Variants in ATP8A2 observed in about 807,000 individuals in gnomAD.
ATP8A2 encodes the protein phospholipid-transporting ATPase IB.
ATP8A2 carries 100 observed loss-of-function variants against 165.6 expected under a neutral mutation model. The observed-to-expected ratio is 0.60, with a 90% CI of 0.51 to 0.71. ATP8A2 has a LOEUF of 0.71. Ranked by LOEUF, ATP8A2 falls within the 30% of genes least tolerant of loss-of-function variation. ATP8A2 has a pLI of 0.00. For synonymous variants in ATP8A2, 543 were observed against 548.8 expected, an observed-to-expected ratio of 0.99 and a Z score of 0.15; for missense variants, 1,227 against 1,479.5, an observed-to-expected ratio of 0.83 and a Z score of 2.80.
Position 25,594,618 on chromosome 13 carries a change from C to T in ATP8A2, c.2211+4919C>T, listed in dbSNP as rs565554511. ...AAAGTCCATCGTGTCATTCTTATGC[C>T]TTTGCATCCTCATAGCTTAGCTCTC... On this transcript the variant is annotated intron_variant, in intron 24 of 36. Transcript: ENST00000381655. Among the ~76,000 whole-genome samples, 4 of 152,234 alleles carry T rather than the reference C, an allele frequency of 2.6e-5. No homozygotes were observed. The East Asian group carries it at 7.7e-4, about 29-fold the overall frequency.
intron 35 of ATP8A2, among the ~76,000 whole-genome samples, chr13:25,979,039 AC>A (rs1409610925): frequency 6.6e-6 from 1 of 150,620 alleles, no homozygotes; most frequent in Non-Finnish European, 1.5e-5. Flanking sequence ...CAGGCCCCTG[AC>A]GTGGTCTCTG....
chr13:25,739,591 T>C (rs2043863326), intron 25 of ATP8A2, among the ~76,000 whole-genome samples: 1 of 151,582 alleles, frequency 6.6e-6, no homozygotes, highest in South Asian at 2.1e-4. Context: ...AGATGGAAAA[T>C]AGTGGAAAGA....
intron 36 of ATP8A2, among the ~76,000 whole-genome samples, chr13:26,013,303 C>A (rs9553699): frequency 0.098 from 14,934 of 152,154 alleles, 1,465 homozygotes; most frequent in East Asian, 0.46. Flanking sequence ...CACGTGCACA[C>A]GCCAGCTTTT....
chr13:25,598,119 G>A (rs893213480), intron 24 of ATP8A2, among the ~76,000 whole-genome samples: 16 of 152,040 alleles, frequency 1.1e-4, no homozygotes, highest in Admixed American at 7.9e-4. Context: ...CATCATTTGT[G>A]AAAAATACTA....
At chr13:25,678,024 A>G (rs1296413628) in intron 24 of ATP8A2, among the ~76,000 whole-genome samples, 1 of 152,186 alleles carries the variant, frequency 6.6e-6, no homozygotes, top group African/African-American at 2.4e-5. Context: ...AGAATGCAGG[A>G]ATGTAAGAAC....
intron 24 of ATP8A2, among the ~76,000 whole-genome samples, chr13:25,680,663 C>T (rs533408369): frequency 7.6e-4 from 115 of 152,314 alleles, no homozygotes; most frequent in African/African-American, 2.7e-3. Context: ...GGGGAATGTT[C>T]TGGAGTGTTC....
intron 24 of ATP8A2, among the ~76,000 whole-genome samples, chr13:25,645,043 T>C (rs1328790629): frequency 1.3e-5 from 2 of 152,188 alleles, no homozygotes; most frequent in Non-Finnish European, 1.5e-5. Context: ...TTTTCTAGTC[T>C]TTATTTTATT....
intron 1 of ATP8A2, among the ~76,000 whole-genome samples, chr13:25,460,750 C>T (rs1213059544): frequency 2.6e-5 from 4 of 152,194 alleles, no homozygotes; most frequent in East Asian, 3.8e-4. Context: ...ATCACCAGCA[C>T]GTGTCCCTGC....
At chr13:25,428,323 G>C (rs941128132) in intron 1 of ATP8A2, among the ~76,000 whole-genome samples, 1 of 152,148 alleles carries the variant, frequency 6.6e-6, no homozygotes, top group African/African-American at 2.4e-5. Flanking sequence ...TGCACACTTG[G>C]TGCCACCATT....
chr13:25,475,124 C>T (rs1407406286), intron 2 of ATP8A2, among the ~76,000 whole-genome samples: 1 of 152,104 alleles, frequency 6.6e-6, no homozygotes, highest in Admixed American at 6.6e-5. Flanking sequence ...TAATAGGCCA[C>T]TGTGCCCGGC....
At chr13:25,579,395 C>T (rs1019859547) in intron 21 of ATP8A2, among the ~76,000 whole-genome samples, 21 of 152,208 alleles carry the variant, frequency 1.4e-4, no homozygotes, top group Admixed American at 1.3e-3. Context: ...CACATATGAG[C>T]ACATGCTCAC....
intron 17 of ATP8A2, 89 bp from the exon 18 acceptor site, chr13:25,571,521 G>A (rs1051201555): frequency 1.1e-6 from 1 of 930,200 alleles, no homozygotes; most frequent in Non-Finnish European, 1.7e-6. Context: ...CTTCAGTAGA[G>A]CGGATTTTGT....
intron 33 of ATP8A2, among the ~76,000 whole-genome samples, chr13:25,902,939 G>GCA (rs3221410): frequency 0.044 from 6,191 of 140,386 alleles, 157 homozygotes; most frequent in African/African-American, 0.059. Flanking sequence ...TCCTCAGCAT[G>GCA]CACACACACA....
intron 21 of ATP8A2, among the ~76,000 whole-genome samples, chr13:25,579,145 C>A (rs990378939): frequency 2.0e-5 from 3 of 152,158 alleles, no homozygotes; most frequent in Admixed American, 6.5e-5. Context: ...GTTACTAGTC[C>A]CTTTCTCAGA....
chr13:25,513,998 G>GC (rs1330044059), intron 2 of ATP8A2, among the ~76,000 whole-genome samples: 2 of 146,294 alleles, frequency 1.4e-5, no homozygotes, highest in African/African-American at 5.0e-5. Context: ...GAGGGGGAGG[G>GC]GGAGGGAGAG....
intron 1 of ATP8A2, among the ~76,000 whole-genome samples, chr13:25,426,964 CAAT>C (rs1417915882): frequency 1.3e-5 from 2 of 151,806 alleles, no homozygotes; most frequent in Non-Finnish European, 2.9e-5. Flanking sequence ...ATAATAATAA[CAAT>C]AATAATATGT....
At chr13:25,963,251 G>T (rs539178222) in intron 34 of ATP8A2, among the ~76,000 whole-genome samples, 54 of 151,706 alleles carry the variant, frequency 3.6e-4, no homozygotes, top group African/African-American at 1.2e-3. Context: ...AAAATTAGCT[G>T]GGCGTGGTGG....
chr13:25,894,272 A>G (rs1318942001), intron 33 of ATP8A2, among the ~76,000 whole-genome samples: 2 of 152,146 alleles, frequency 1.3e-5, no homozygotes, highest in Non-Finnish European at 2.9e-5. Context: ...TTTTCCCAGC[A>G]CCATTTATTA....
At chr13:25,745,777 A>G (rs2044018076) in intron 25 of ATP8A2, among the ~76,000 whole-genome samples, 1 of 152,246 alleles carries the variant, frequency 6.6e-6, no homozygotes, top group South Asian at 2.1e-4. Flanking sequence ...TTGATTGCTT[A>G]TTCTTTAAGT....
Sources: gnomAD v4.1 joint callset for allele counts (sites outside exome capture counted in the v4.1 genomes callset) on GRCh38, gnomAD v4.1.1 for gene constraint, MANE v1.5 for transcripts, NCBI Gene and HGNC (gene_info 2026-07-23, HGNC 2026-07-21) for gene names.